The following GABRG1 variants were observed in gnomAD, a reference collection of about 807,000 sequenced individuals.
GABRG1 encodes the protein gamma-aminobutyric acid type A receptor subunit gamma1.
GABRG1 carries 49 observed loss-of-function variants against 49.8 expected under a neutral mutation model. That is an observed-to-expected ratio of 0.98 (90% CI 0.78 to 1.25). The LOEUF (loss-of-function observed/expected upper bound fraction) is 1.25, where lower values mean the gene tolerates loss of function less well. Ranked by LOEUF, GABRG1 falls within the 50% of genes most tolerant of loss-of-function variation. The pLI, the probability that GABRG1 is intolerant of heterozygous loss-of-function variation, is 0.00. For synonymous variants in GABRG1, 232 were observed against 185.1 expected, an observed-to-expected ratio of 1.25 and a Z score of -2.06; for missense variants, 552 against 552.3, an observed-to-expected ratio of 1.00 and a Z score of 0.01.
At chr4:46,051,783 C>T (rs1333325568) in intron 7 of GABRG1, 145 bp from the exon 8 acceptor site, 1 of 559,210 alleles carries the variant, frequency 1.8e-6, no homozygotes, top group Non-Finnish European at 3.1e-6. Context: ...TTATTGGTAG[C>T]CATAGCAACA....
In GABRG1 at chr4:46,047,014, G is replaced by T. The variant is rs868645769; in HGVS notation, c.1131+4410C>A. Among the ~76,000 whole-genome samples the T allele has an allele frequency of 2.0e-5, 3 of 151,944 alleles. No individual in the cohort carries two copies. In the East Asian group the frequency reaches 5.8e-4, roughly 29 times the overall value. ...GTTATTTTCTTTCCTAAGAGAAAAT[G>T]TTTCTTTCCTACTTTCAAGATAAAC... On this transcript the variant is annotated intron_variant, in intron 8 of 8. Transcript: ENST00000295452.
At chr4:46,060,249 G>T (rs1405930847) in intron 5 of GABRG1, among the ~76,000 whole-genome samples, 1 of 129,380 alleles carries the variant, frequency 7.7e-6, no homozygotes. Context: ...TTAGCTTTCG[G>T]TGGTTGTATG....
chr4:46,048,147 T>C (rs539981784), intron 8 of GABRG1, among the ~76,000 whole-genome samples: 46 of 152,158 alleles, frequency 3.0e-4, no homozygotes, highest in African/African-American at 1.1e-3. Context: ...TTTCGGTTTA[T>C]TACTAGTGGC....
chr4:46,097,142 G>T, intron 2 of GABRG1, 59 bp downstream of exon 2: 1 of 1,337,386 alleles, frequency 7.5e-7, no homozygotes, highest in Non-Finnish European at 1.0e-6. Flanking sequence ...GATTAAAATA[G>T]TACCAGTAAT....
Position 46,058,230 on chromosome 4 carries a change from T to G in GABRG1, c.903A>C (p.Ala301=). ...SFWINKDAVP[A]RTSLGITTVL... is the part of the protein sequence containing the mutation. ...TACATGTCATACCCAACGATGTTCTTGCAGGCACTGCATCTTTATTGATCC... is the reference window on the plus strand; with the variant it reads ...TACATGTCATACCCAACGATGTTCTGGCAGGCACTGCATCTTTATTGATCC... The change falls in exon 7 of 9, where the codon GCA becomes GCC. Residue 301 remains alanine, a synonymous_variant. Coordinates refer to ENST00000295452, the MANE Select transcript of GABRG1 (RefSeq NM_173536.4). The G allele has an allele frequency of 1.2e-6, 2 of 1,612,126 alleles. No individual in the cohort carries two copies. The highest frequency in any genetic ancestry group is 1.7e-6 in the Non-Finnish European group (2 of 1,179,208).
At chr4:46,091,730 A>C (rs1292055735) in intron 2 of GABRG1, among the ~76,000 whole-genome samples, 1 of 152,074 alleles carries the variant, frequency 6.6e-6, no homozygotes, top group Non-Finnish European at 1.5e-5. Flanking sequence ...CCGCAAGTGG[A>C]GTTGCAGAGA....
intron 7 of GABRG1, among the ~76,000 whole-genome samples, chr4:46,053,837 G>C (rs917348110): frequency 6.6e-6 from 1 of 151,912 alleles, no homozygotes; most frequent in Non-Finnish European, 1.5e-5. Context: ...ACCTTGAGAA[G>C]AACATAGTGG....
At chr4:46,102,480 C>T (rs894696575) in intron 1 of GABRG1, among the ~76,000 whole-genome samples, 1 of 151,588 alleles carries the variant, frequency 6.6e-6, no homozygotes. Flanking sequence ...TACTTTCATA[C>T]GTTTCAAACA....
At position 46,038,712 on chromosome 4, in the gene GABRG1, G is replaced by T. The variant is rs1172588806; in HGVS notation, c.*2276C>A. 6.6e-6 allele frequency: 1 copy of T among 151,518 alleles called. No individual in the cohort carries two copies. The highest frequency in any genetic ancestry group is 2.4e-5 in the African/African-American group (1 of 41,374). The allele number at this position is 151,518 out of a possible 1,614,324, so 9.4% of individuals were successfully genotyped here. A position where few individuals can be genotyped will look rare whatever the true frequency, so the allele number is the denominator to read the frequency against. ...TTATTCTTATTTTTAGAAATAATAA[G>T]ATTTGTACGCCATTCTTTCTGATCA... On this transcript the variant is annotated 3_prime_UTR_variant, in exon 9 of 9. Transcript: ENST00000295452.
chr4:46,081,991 T>C (rs149185193), intron 3 of GABRG1, among the ~76,000 whole-genome samples: 209 of 151,930 alleles, frequency 1.4e-3, no homozygotes, highest in African/African-American at 5.0e-3. Flanking sequence ...AAACCACCAG[T>C]CTGTGCTACT....
chr4:46,102,773 C>A (rs1720423830), intron 1 of GABRG1, among the ~76,000 whole-genome samples: 1 of 151,572 alleles, frequency 6.6e-6, no homozygotes, highest in Admixed American at 6.6e-5. Flanking sequence ...CCTTTAATAA[C>A]TATATTACTC....
intron 2 of GABRG1, among the ~76,000 whole-genome samples, chr4:46,093,483 TG>T (rs1720066991): frequency 6.6e-6 from 1 of 152,064 alleles, no homozygotes; most frequent in African/African-American, 2.4e-5. Flanking sequence ...ATGGTTAATG[TG>T]TATGCAAATA....
chr4:46,064,168 C>A (rs1718818949), intron 5 of GABRG1, among the ~76,000 whole-genome samples: 1 of 151,672 alleles, frequency 6.6e-6, no homozygotes, highest in Non-Finnish European at 1.5e-5. Context: ...TTTCAATACT[C>A]CTTTATTTAA....
chr4:46,075,700 TAAAAGAA>T (rs1719301103), intron 3 of GABRG1, among the ~76,000 whole-genome samples: 1 of 151,952 alleles, frequency 6.6e-6, no homozygotes, highest in African/African-American at 2.4e-5. Context: ...AAAAATCAAA[TAAAAGAA>T]GAAAGAAAGA....
rs1409693671 is a variant in GABRG1, at chr4:46,054,897, C to T, written c.917-3259G>A. On this transcript the variant is annotated intron_variant, in intron 7 of 8. Coordinates refer to ENST00000295452, the MANE Select transcript of GABRG1 (RefSeq NM_173536.4). ...CTTCCAACACTATGTTGAATAGGAG[C>T]GGTGAGAGAGGGCATCCCTGTCTTG... Among the ~76,000 whole-genome samples the T allele has an allele frequency of 2.1e-4, 13 of 61,158 alleles. 1 individual carries two copies. The highest frequency in any genetic ancestry group is 9.2e-4 in the South Asian group (2 of 2,172). The allele number at this position is 61,158 out of a possible 152,430, so 40.1% of individuals were successfully genotyped here.
At chr4:46,073,870 A>G (rs1226882275) in intron 3 of GABRG1, among the ~76,000 whole-genome samples, 1 of 152,114 alleles carries the variant, frequency 6.6e-6, no homozygotes, top group East Asian at 1.9e-4. Flanking sequence ...CTTCTTTTCA[A>G]AATATCTTAC....
chr4:46,077,976 T>A (rs1045670797), intron 3 of GABRG1, among the ~76,000 whole-genome samples: 1 of 151,732 alleles, frequency 6.6e-6, no homozygotes, highest in African/African-American at 2.4e-5. Flanking sequence ...TGACTTTTAT[T>A]TATTTCTAAT....
At chr4:46,105,396 T>C (rs1317100128) in intron 1 of GABRG1, among the ~76,000 whole-genome samples, 2 of 151,474 alleles carry the variant, frequency 1.3e-5, no homozygotes, top group African/African-American at 4.8e-5. Flanking sequence ...ATATAAACAC[T>C]ACTGTTTTTT....
At chr4:46,065,853 G>A (rs1016911140) in intron 3 of GABRG1, among the ~76,000 whole-genome samples, 24 of 152,102 alleles carry the variant, frequency 1.6e-4, no homozygotes, top group African/African-American at 3.9e-4. Flanking sequence ...CTCCGGAGGA[G>A]CTGGGACAAC....
Sources: gnomAD v4.1 joint callset for allele counts (sites outside exome capture counted in the v4.1 genomes callset) on GRCh38, gnomAD v4.1.1 for gene constraint, MANE v1.5 for transcripts, NCBI Gene and HGNC (gene_info 2026-07-23, HGNC 2026-07-21) for gene names.